KIAA1328: variants seen among roughly 807,000 people sequenced by gnomAD.
KIAA1328 encodes the protein protein hinderin.
A neutral mutation model predicts 68.1 loss-of-function variants in KIAA1328; 52 were observed. The observed-to-expected ratio is 0.76, with a 90% confidence interval of 0.61 to 0.96. The LOEUF is 0.96. KIAA1328 is among the 40% of genes least tolerant of loss of function. The pLI, the probability that KIAA1328 is intolerant of heterozygous loss-of-function variation, is 0.00. For missense variants in KIAA1328, 641 were observed against 677.6 expected (o/e 0.95, Z 0.60); for synonymous variants, 232 against 239.4 (o/e 0.97, Z 0.28).
At chr18:36,975,047 A>G (rs2052405084) in intron 6 of KIAA1328, among the ~76,000 whole-genome samples, 1 of 152,188 alleles carries the variant, frequency 6.6e-6, no homozygotes, top group Non-Finnish European at 1.5e-5. Context: ...TGCTGAGATA[A>G]AAAGTCTTGA....
chr18:36,962,369 A>G (rs1367706358), intron 6 of KIAA1328, among the ~76,000 whole-genome samples: 1 of 152,198 alleles, frequency 6.6e-6, no homozygotes, highest in Non-Finnish European at 1.5e-5. Context: ...TACAATAATA[A>G]TGGGAGAATT....
intron 7 of KIAA1328, among the ~76,000 whole-genome samples, chr18:37,122,932 A>C (rs1464649730): frequency 1.3e-5 from 2 of 152,178 alleles, no homozygotes; most frequent in Non-Finnish European, 2.9e-5. Context: ...CCTCTTTAGA[A>C]AGCAGACCTG....
chr18:37,191,560 A>G (rs2059904643), intron 9 of KIAA1328, among the ~76,000 whole-genome samples: 1 of 152,128 alleles, frequency 6.6e-6, no homozygotes, highest in Non-Finnish European at 1.5e-5. Context: ...CAGCTGCTTC[A>G]CTCACAGTCT....
intron 7 of KIAA1328, among the ~76,000 whole-genome samples, chr18:37,068,168 G>A (rs1412695126): frequency 6.6e-6 from 1 of 152,158 alleles, no homozygotes; most frequent in Non-Finnish European, 1.5e-5. Context: ...ATATCATTGT[G>A]GACAATATTA....
At position 37,223,948 on chromosome 18, in the gene KIAA1328, T is replaced by G. The variant is rs1414183437; in HGVS notation, c.*1721T>G. ...TTCCCTTAAAAAGTTGGAAAATCATTACAGATTAAAATTTCTTTATAAAGT... is the reference window on the plus strand; with the variant it reads ...TTCCCTTAAAAAGTTGGAAAATCATGACAGATTAAAATTTCTTTATAAAGT... On this transcript the variant is annotated 3_prime_UTR_variant, in exon 10 of 10. Coordinates refer to ENST00000280020, the MANE Select transcript of KIAA1328 (RefSeq NM_020776.3). 1 of 985,026 alleles carries G rather than the reference T, an allele frequency of 1.0e-6. No homozygotes were observed. Among genetic ancestry groups the G allele is most frequent in the Non-Finnish European group, 1.2e-6 (1 of 829,662 alleles). 61.0% of individuals were successfully genotyped at this position (985,026 alleles called of 1,614,324 possible). A position where few individuals can be genotyped will look rare whatever the true frequency, so the allele number is the denominator to read the frequency against.
At chr18:36,870,837 A>T (rs748010843) in intron 4 of KIAA1328, among the ~76,000 whole-genome samples, 5 of 152,172 alleles carry the variant, frequency 3.3e-5, no homozygotes, top group Non-Finnish European at 5.9e-5. Flanking sequence ...CATAACCTTG[A>T]CACGTATGTG....
intron 5 of KIAA1328, among the ~76,000 whole-genome samples, chr18:36,923,193 T>C (rs2049991034): frequency 6.6e-6 from 1 of 152,104 alleles, no homozygotes; most frequent in Non-Finnish European, 1.5e-5. Context: ...ATTTTACCAC[T>C]GAAATCCTAC....
chr18:37,142,942 G>GTTTTTTTTT (rs551875920), intron 7 of KIAA1328, among the ~76,000 whole-genome samples: 3 of 140,366 alleles, frequency 2.1e-5, no homozygotes, highest in Non-Finnish European at 1.6e-5. Flanking sequence ...ATTTACTTTG[G>GTTTTTTTTT]TTTTTTTTTT....
intron 6 of KIAA1328, among the ~76,000 whole-genome samples, chr18:37,002,151 G>A (rs1293366312): frequency 6.6e-6 from 1 of 151,082 alleles, no homozygotes. Context: ...GATAAATGGA[G>A]ACAGTAAAAT....
At chr18:37,037,133 G>A (rs2055058034) in intron 6 of KIAA1328, among the ~76,000 whole-genome samples, 1 of 150,368 alleles carries the variant, frequency 6.7e-6, no homozygotes, top group African/African-American at 2.4e-5. Flanking sequence ...CTGTTCATTG[G>A]TTATATATTG....
chr18:37,205,765 A>G (rs2154219823), intron 9 of KIAA1328, among the ~76,000 whole-genome samples: 1 of 152,326 alleles, frequency 6.6e-6, no homozygotes, highest in Non-Finnish European at 1.5e-5. Context: ...CTGCTTAACT[A>G]ATTCCCCAAA....
intron 5 of KIAA1328, among the ~76,000 whole-genome samples, chr18:36,915,422 A>G (rs2049652689): frequency 6.6e-6 from 1 of 152,224 alleles, no homozygotes; most frequent in Non-Finnish European, 1.5e-5. Flanking sequence ...GGGAAAAAGA[A>G]TTTTGCAAAT....
intron 9 of KIAA1328, among the ~76,000 whole-genome samples, chr18:37,216,966 C>T (rs1347303509): frequency 2.2e-5 from 3 of 138,926 alleles, no homozygotes; most frequent in Admixed American, 7.2e-5. Context: ...ATTGCAACCC[C>T]TGCTTTTTTT....
chr18:37,056,550 G>A (rs1005349939), intron 6 of KIAA1328, among the ~76,000 whole-genome samples: 3 of 152,024 alleles, frequency 2.0e-5, no homozygotes, highest in Non-Finnish European at 2.9e-5. Context: ...CCTCATCTTT[G>A]TTTTATGCTG....
intron 7 of KIAA1328, among the ~76,000 whole-genome samples, chr18:37,130,144 T>C (rs993504743): frequency 6.6e-6 from 1 of 152,170 alleles, no homozygotes; most frequent in Admixed American, 6.5e-5. Context: ...ATATATGGCA[T>C]TGTGAGTTTT....
intron 9 of KIAA1328, among the ~76,000 whole-genome samples, chr18:37,195,604 TGTAA>T (rs748485006): frequency 1.3e-5 from 2 of 152,210 alleles, no homozygotes; most frequent in Non-Finnish European, 2.9e-5. Context: ...AATGAGTGGC[TGTAA>T]GTGTGTGGAT....
chr18:36,858,308 C>A (rs1427251505), intron 4 of KIAA1328, among the ~76,000 whole-genome samples: 1 of 152,080 alleles, frequency 6.6e-6, no homozygotes, highest in African/African-American at 2.4e-5. Flanking sequence ...GTTAATATAT[C>A]CATGGCAGCT....
intron 7 of KIAA1328, among the ~76,000 whole-genome samples, chr18:37,113,652 A>G (rs2058011375): frequency 6.6e-6 from 1 of 152,206 alleles, no homozygotes; most frequent in Non-Finnish European, 1.5e-5. Flanking sequence ...GAATTCACAC[A>G]TAACAATATT....
chr18:36,888,442 G>C (rs1436935915), intron 5 of KIAA1328, among the ~76,000 whole-genome samples: 1 of 152,136 alleles, frequency 6.6e-6, no homozygotes, highest in Non-Finnish European at 1.5e-5. Flanking sequence ...GGCATAGTCA[G>C]ACTTATATTA....
Sources: allele counts gnomAD v4.1 joint callset (sites outside exome capture counted in the v4.1 genomes callset), GRCh38; gene constraint gnomAD v4.1.1; transcripts MANE v1.5; gene names NCBI Gene and HGNC (gene_info 2026-07-23, HGNC 2026-07-21).